Variants in CD38 observed in about 807,000 individuals in gnomAD.
CD38 encodes the protein CD38 molecule.
In CD38, 31 loss-of-function variants were observed where a neutral mutation model predicts 36.3. The observed-to-expected ratio is 0.85, with a 90% CI of 0.64 to 1.15. The LOEUF is 1.15. Among genes scored for constraint, CD38 ranks in the 50% most tolerant of loss-of-function variants. The probability of loss-of-function intolerance (pLI) is 0.00; values close to 1 mark genes in which losing one functional copy is unlikely to be tolerated. For synonymous variants in CD38, 131 were observed against 135.2 expected, an observed-to-expected ratio of 0.97 and a Z score of 0.22; for missense variants, 380 against 371.9, an observed-to-expected ratio of 1.02 and a Z score of -0.18.
At chr4:15,790,780 T>C (rs1490995964) in intron 1 of CD38, among the ~76,000 whole-genome samples, 6 of 149,530 alleles carry the variant, frequency 4.0e-5, no homozygotes, top group Non-Finnish European at 5.9e-5. Flanking sequence ...GGAGCGTCTC[T>C]GCCCGGCCGC....
At chr4:15,783,706 G>T (rs959893104) in intron 1 of CD38, among the ~76,000 whole-genome samples, 1 of 152,174 alleles carries the variant, frequency 6.6e-6, no homozygotes, top group Non-Finnish European at 1.5e-5. Flanking sequence ...ACGTTCTAAT[G>T]ATCACTTCTG....
At position 15,849,305 on chromosome 4, in the gene CD38, T is replaced by C. The variant is rs566091846; in HGVS notation, c.*703T>C. ...AATTATTTTTGAACCAACCTAATAA[T>C]TTACCGTAAGTCCTACATTTAGTAT... On this transcript the variant is annotated 3_prime_UTR_variant, in exon 8 of 8. Transcript: ENST00000226279. 3.5e-4 allele frequency: 53 copies of C among 152,314 alleles called. No individual in the cohort carries two copies. Among genetic ancestry groups the C allele is most frequent in the African/African-American group, 1.3e-3 (52 of 41,572 alleles). 9.4% of individuals were successfully genotyped at this position (152,314 alleles called of 1,614,324 possible). A position where few individuals can be genotyped will look rare whatever the true frequency, so the allele number is the denominator to read the frequency against.
intron 1 of CD38, among the ~76,000 whole-genome samples, chr4:15,799,613 A>G (rs1257139735): frequency 6.6e-6 from 1 of 152,144 alleles, no homozygotes; most frequent in Non-Finnish European, 1.5e-5. Context: ...TGTATATATC[A>G]CAATTTGTTT....
At chr4:15,789,837 A>G (rs1290106179) in intron 1 of CD38, among the ~76,000 whole-genome samples, 1 of 152,172 alleles carries the variant, frequency 6.6e-6, no homozygotes, top group Non-Finnish European at 1.5e-5. Context: ...CTGGTAAGCA[A>G]GAAGGCTGTC....
intron 3 of CD38, among the ~76,000 whole-genome samples, chr4:15,830,763 T>A (rs1463396947): frequency 6.6e-6 from 1 of 152,140 alleles, no homozygotes; most frequent in African/African-American, 2.4e-5. Context: ...TTTAATCTAT[T>A]TTGATTTTAT....
intron 3 of CD38, among the ~76,000 whole-genome samples, chr4:15,829,810 G>A (rs1217568293): frequency 6.6e-6 from 1 of 152,082 alleles, no homozygotes; most frequent in Non-Finnish European, 1.5e-5. Flanking sequence ...GTTTTGATTT[G>A]TTGGATGCTA....
At chr4:15,796,371 G>A (rs1723104247) in intron 1 of CD38, among the ~76,000 whole-genome samples, 1 of 151,962 alleles carries the variant, frequency 6.6e-6, no homozygotes. Flanking sequence ...CTACTTGAGG[G>A]AACTCCTTTT....
intron 7 of CD38, among the ~76,000 whole-genome samples, chr4:15,847,595 C>CAAAAAAAAAAAAAAA (rs71179666): frequency 5.2e-5 from 2 of 38,170 alleles, no homozygotes; most frequent in African/African-American, 1.2e-4. Context: ...CTCTCAGAAG[C>CAAAAAAAAAAAAAAA]AAAAAAAAAA....
intron 4 of CD38, among the ~76,000 whole-genome samples, chr4:15,837,046 G>A (rs933677572): frequency 1.3e-5 from 2 of 152,206 alleles, no homozygotes; most frequent in African/African-American, 4.8e-5. Context: ...GCACTTTATA[G>A]TTTTTGTTTG....
chr4:15,783,995 A>T (rs1722754546), intron 1 of CD38, among the ~76,000 whole-genome samples: 1 of 152,224 alleles, frequency 6.6e-6, no homozygotes, highest in Non-Finnish European at 1.5e-5. Flanking sequence ...AAATGAAGAA[A>T]CACAAGCATT....
At chr4:15,812,723 A>G (rs10003282) in intron 1 of CD38, among the ~76,000 whole-genome samples, 30,126 of 152,014 alleles carry the variant, frequency 0.2, 3,230 homozygotes, top group Non-Finnish European at 0.23. Context: ...CAAAAACAAT[A>G]TTAAGTCTCC....
chr4:15,805,938 G>C (rs948331024), intron 1 of CD38, among the ~76,000 whole-genome samples: 2 of 152,196 alleles, frequency 1.3e-5, no homozygotes, highest in Admixed American at 1.3e-4. Flanking sequence ...AAGGACGAGT[G>C]TAATTACCCT....
rs1724178997 is a variant in CD38, at chr4:15,840,454, A to G, written c.755A>G (p.Asp252Gly). ...ATACTTTCTTCTTTCTTCCCCAGAG[A>G]CTTATGCCAGGATCCCACCATAAAA... ...VIHGGREDSR[D>G]LCQDPTIKEL... is the part of the protein sequence containing the mutation. Residue 252 changes from aspartate (D) to glycine (G), a missense_variant and splice_region_variant, in exon 7 of 8, where the codon GAC (aspartate) becomes GGC (glycine). By Grantham distance (94) the Asp-to-Gly change is moderately conservative. Transcript: ENST00000226279. 2.5e-6 allele frequency: 4 copies of G among 1,583,838 alleles called. No individual in the cohort carries two copies. Among genetic ancestry groups the G allele is most frequent in the Non-Finnish European group, 3.5e-6 (4 of 1,157,248 alleles).
intron 2 of CD38, among the ~76,000 whole-genome samples, chr4:15,824,662 C>T (rs1161006188): frequency 6.7e-6 from 1 of 149,284 alleles, no homozygotes; most frequent in Non-Finnish European, 1.5e-5. Context: ...ATAAAAGATT[C>T]ATTTACATTG....
chr4:15,822,095 A>T (rs1723750505), intron 2 of CD38, among the ~76,000 whole-genome samples: 1 of 152,196 alleles, frequency 6.6e-6, no homozygotes, highest in Non-Finnish European at 1.5e-5. Context: ...CAAAAACCAC[A>T]TGATTATCTC....
chr4:15,817,675 G>A (rs535627329), intron 2 of CD38, among the ~76,000 whole-genome samples: 4 of 152,214 alleles, frequency 2.6e-5, no homozygotes, highest in Non-Finnish European at 5.9e-5. Flanking sequence ...CACCTGATAA[G>A]TGATGATGAT....
intron 1 of CD38, among the ~76,000 whole-genome samples, chr4:15,781,769 T>C (rs958757030): frequency 2.0e-5 from 3 of 152,258 alleles, no homozygotes; most frequent in African/African-American, 7.2e-5. Flanking sequence ...CCACTTAAAA[T>C]TAATCATCAC....
chr4:15,803,268 A>C (rs1723267337), intron 1 of CD38, among the ~76,000 whole-genome samples: 1 of 152,244 alleles, frequency 6.6e-6, no homozygotes, highest in South Asian at 2.1e-4. Context: ...AACAAAGGCA[A>C]AAATAGACTA....
At chr4:15,782,651 A>G (rs1722724307) in intron 1 of CD38, among the ~76,000 whole-genome samples, 1 of 152,240 alleles carries the variant, frequency 6.6e-6, no homozygotes, top group Non-Finnish European at 1.5e-5. Context: ...TCCCCAGTGA[A>G]CGACCTAATA....
Sources: allele counts gnomAD v4.1 joint callset (sites outside exome capture counted in the v4.1 genomes callset), GRCh38; gene constraint gnomAD v4.1.1; transcripts MANE v1.5; gene names NCBI Gene and HGNC (gene_info 2026-07-23, HGNC 2026-07-21).